The following LAMA2 variants were observed in gnomAD, a reference collection of about 807,000 sequenced individuals.
The protein encoded by LAMA2 is laminin subunit alpha 2.
In LAMA2, 269 loss-of-function variants were observed where a neutral mutation model predicts 364.8. The observed-to-expected ratio is 0.74, with a 90% CI of 0.67 to 0.82. LAMA2 has a LOEUF of 0.82. Ranked by LOEUF, LAMA2 falls within the 40% of genes least tolerant of loss-of-function variation. The pLI, the probability that LAMA2 is intolerant of heterozygous loss-of-function variation, is 0.00. For synonymous variants in LAMA2, 1,379 were observed against 1,370.6 expected, an observed-to-expected ratio of 1.01 and a Z score of -0.14; for missense variants, 3,807 against 3,873.2, an observed-to-expected ratio of 0.98 and a Z score of 0.45.
intron 18 of LAMA2, among the ~76,000 whole-genome samples, chr6:129,282,776 C>A (rs1251837807): frequency 1.3e-5 from 2 of 152,122 alleles, no homozygotes; most frequent in Non-Finnish European, 2.9e-5. Context: ...TCTCTACCAT[C>A]ATCATTTTTC....
chr6:129,341,543 G>T (rs1468608629), intron 29 of LAMA2, among the ~76,000 whole-genome samples: 2 of 152,042 alleles, frequency 1.3e-5, no homozygotes, highest in Non-Finnish European at 1.5e-5. Context: ...TTGTCAGGTG[G>T]TTTTTTTAAA....
chr6:129,391,535 C>A lies in LAMA2; in HGVS notation c.5116C>A (p.Arg1706=). Residue 1706 remains arginine, a synonymous_variant, in exon 36 of 65, where the codon CGA becomes AGA. Transcript: ENST00000421865. The part of the protein sequence containing the change: ...AIKLNETLGT[R]DEAFERNLEG... ...AAAACTAAATGAAACTCTAGGAACT[C>A]GAGACGAGGCCTTTGAGAGAAATTT... 1 of 1,613,758 alleles carries A rather than the reference C, an allele frequency of 6.2e-7. No homozygotes were observed. Among genetic ancestry groups the A allele is most frequent in the Non-Finnish European group, 8.5e-7 (1 of 1,179,850 alleles).
intron 29 of LAMA2, among the ~76,000 whole-genome samples, chr6:129,334,767 C>G (rs1775850659): frequency 6.6e-6 from 1 of 152,104 alleles, no homozygotes. Flanking sequence ...TAGCTGACCC[C>G]TTCTTTCTTT....
intron 29 of LAMA2, among the ~76,000 whole-genome samples, chr6:129,337,003 T>G (rs1303306125): frequency 6.6e-6 from 1 of 152,206 alleles, no homozygotes; most frequent in East Asian, 1.9e-4. Flanking sequence ...TAGAAAAGAT[T>G]TGAACTCAGG....
chr6:129,043,193 A>G (rs1007941649), intron 1 of LAMA2, among the ~76,000 whole-genome samples: 21 of 152,152 alleles, frequency 1.4e-4, no homozygotes, highest in African/African-American at 4.6e-4. Flanking sequence ...ATGCCATTTA[A>G]TCTAAAACAT....
chr6:129,094,378 G>A (rs1583030939), intron 3 of LAMA2, among the ~76,000 whole-genome samples: 1 of 152,216 alleles, frequency 6.6e-6, no homozygotes, highest in East Asian at 1.9e-4. Flanking sequence ...TCAGTCTTCT[G>A]TAAGGCGGTG....
chr6:129,500,998 A>G (rs1229332789), intron 58 of LAMA2, among the ~76,000 whole-genome samples: 1 of 151,982 alleles, frequency 6.6e-6, no homozygotes, highest in Non-Finnish European at 1.5e-5. Context: ...TAATCCCTCA[A>G]TTTTCAGAGC....
At chr6:128,961,773 A>G (rs1781536721) in intron 1 of LAMA2, among the ~76,000 whole-genome samples, 1 of 151,924 alleles carries the variant, frequency 6.6e-6, no homozygotes, top group African/African-American at 2.4e-5. Context: ...TGTATTCTTC[A>G]ATCCAATCAA....
chr6:129,087,876 C>CT (rs370785200), intron 3 of LAMA2, among the ~76,000 whole-genome samples: 11,568 of 145,626 alleles, frequency 0.079, 1,506 homozygotes, highest in African/African-American at 0.27. Flanking sequence ...GATGATATTT[C>CT]TTTTTTTTTT....
chr6:129,379,625 C>T (rs1171122408), intron 34 of LAMA2, among the ~76,000 whole-genome samples: 1 of 152,112 alleles, frequency 6.6e-6, no homozygotes, highest in East Asian at 1.9e-4. Flanking sequence ...CTTCCTGCCC[C>T]CTACTGCCAC....
intron 1 of LAMA2, among the ~76,000 whole-genome samples, chr6:128,962,139 CATATATATAT>C (rs55906092): frequency 0.017 from 654 of 38,094 alleles, 32 homozygotes; most frequent in African/African-American, 0.036. Context: ...TCCTCTGGAC[CATATATATAT>C]ATATATATAT....
chr6:129,340,850 A>AAG (rs1379559255), intron 29 of LAMA2, among the ~76,000 whole-genome samples: 1 of 150,820 alleles, frequency 6.6e-6, no homozygotes, highest in African/African-American at 2.4e-5. Flanking sequence ...AAAAAAAAAA[A>AAG]AAGAGAAAAA....
intron 35 of LAMA2, among the ~76,000 whole-genome samples, chr6:129,385,765 A>T (rs1221894295): frequency 6.6e-6 from 1 of 152,186 alleles, no homozygotes; most frequent in Non-Finnish European, 1.5e-5. Flanking sequence ...TTATTTCCTG[A>T]CATACAATAG....
chr6:129,499,734 T>C (rs1016889181), intron 58 of LAMA2, among the ~76,000 whole-genome samples: 1 of 152,060 alleles, frequency 6.6e-6, no homozygotes, highest in African/African-American at 2.4e-5. Flanking sequence ...TTTTTTCTTT[T>C]TGAGACAGGT....
rs147249027 is a variant in LAMA2 at position 129,300,842 on chromosome 6, C to A, written c.3144C>A (p.Thr1048=). Residue 1048 remains threonine (T), a synonymous_variant, in exon 22 of 65, where the codon ACC becomes ACA. Transcript: ENST00000421865. ...GEKCSKCAPN[T]WGHSITTGCK... ...AATGTTCTAAATGTGCACCCAATAC[C>A]TGGGGCCACAGCATTACCACTGGTT... 6.2e-7 allele frequency: 1 copy of A among 1,613,810 alleles called. No individual in the cohort carries two copies. The highest frequency in any genetic ancestry group is 8.5e-7 in the Non-Finnish European group (1 of 1,179,716).
intron 4 of LAMA2, among the ~76,000 whole-genome samples, chr6:129,110,044 T>C (rs576603288): frequency 7.4e-4 from 112 of 152,150 alleles, no homozygotes; most frequent in African/African-American, 2.5e-3. Flanking sequence ...TGGAATCCAC[T>C]CTTGGCCATT....
chr6:129,363,948 A>G (rs1777614653), intron 32 of LAMA2, among the ~76,000 whole-genome samples: 1 of 152,238 alleles, frequency 6.6e-6, no homozygotes, highest in African/African-American at 2.4e-5. Context: ...CTTGGTTTCC[A>G]TGCAGTGCAA....
chr6:129,366,322 A>C lies in LAMA2; in HGVS notation c.4821A>C (p.Lys1607Asn), dbSNP rs748765819. ...NLTGPLPAPY[K>N]MLYGLENMTQ... ...CTGGTCCGCTGCCTGCGCCATATAAAATGCTGTATGGTCTTGAAAATATGA... is the reference window on the plus strand; with the variant it reads ...CTGGTCCGCTGCCTGCGCCATATAACATGCTGTATGGTCTTGAAAATATGA... The change falls in exon 33 of 65, where the codon AAA becomes AAC. Residue 1607 changes from lysine to asparagine, a missense_variant. Physicochemically the swap from Lys to Asn is moderately conservative, Grantham distance 94 (BLOSUM62 0). Coordinates refer to ENST00000421865, the MANE Select transcript of LAMA2 (RefSeq NM_000426.4). The C allele has an allele frequency of 3.1e-6, 5 of 1,613,884 alleles. No individual in the cohort carries two copies. Among genetic ancestry groups the C allele is most frequent in the Non-Finnish European group, 4.2e-6 (5 of 1,179,970 alleles).
chr6:129,255,935 C>T (rs1006402834), intron 14 of LAMA2, among the ~76,000 whole-genome samples: 2 of 152,176 alleles, frequency 1.3e-5, no homozygotes, highest in Non-Finnish European at 2.9e-5. Context: ...TTTTACCCTA[C>T]GTTTCCTTCC....
Sources: gnomAD v4.1 joint callset for allele counts (sites outside exome capture counted in the v4.1 genomes callset) on GRCh38, gnomAD v4.1.1 for gene constraint, MANE v1.5 for transcripts, NCBI Gene and HGNC (gene_info 2026-07-23, HGNC 2026-07-21) for gene names.